Variants in DIAPH3 observed in about 807,000 individuals in gnomAD.
DIAPH3 encodes the protein protein diaphanous homolog 3.
DIAPH3 carries 117 observed loss-of-function variants against 144.3 expected under a neutral mutation model. The ratio of observed to expected loss-of-function variants is 0.81; its 90% CI spans 0.70 to 0.95. DIAPH3 has a LOEUF of 0.95. Ranked by LOEUF, DIAPH3 falls within the 40% of genes least tolerant of loss-of-function variation. The probability of loss-of-function intolerance (pLI) is 0.00; values close to 1 mark genes in which losing one functional copy is unlikely to be tolerated. For synonymous variants in DIAPH3, 519 were observed against 488.9 expected, an observed-to-expected ratio of 1.06 and a Z score of -0.81; for missense variants, 1,421 against 1,412.7, an observed-to-expected ratio of 1.01 and a Z score of -0.09.
chr13:59,721,708 A>C (rs1414261355), intron 27 of DIAPH3, among the ~76,000 whole-genome samples: 1 of 152,200 alleles, frequency 6.6e-6, no homozygotes, highest in East Asian at 1.9e-4. Context: ...AAATAATGGC[A>C]ACGACAGTGG....
intron 27 of DIAPH3, among the ~76,000 whole-genome samples, chr13:59,772,243 G>A (rs1160880873): frequency 1.3e-5 from 2 of 151,920 alleles, no homozygotes; most frequent in East Asian, 3.8e-4. Context: ...ACCAAATCCT[G>A]CATTTTTGAA....
At chr13:59,697,520 A>G (rs886603421) in intron 27 of DIAPH3, among the ~76,000 whole-genome samples, 10 of 150,904 alleles carry the variant, frequency 6.6e-5, no homozygotes, top group Non-Finnish European at 1.0e-4. Flanking sequence ...TCATATACCA[A>G]TATCTGTGAT....
intron 2 of DIAPH3, among the ~76,000 whole-genome samples, chr13:60,131,355 G>C (rs936702242): frequency 3.3e-4 from 48 of 147,500 alleles, no homozygotes; most frequent in African/African-American, 1.0e-3. Context: ...AGGATTGCCT[G>C]AGCCCAGGAG....
At position 59,806,280 on chromosome 13, in the gene DIAPH3, G is replaced by A. The variant is rs969431003; in HGVS notation, c.3163+4508C>T. Among the ~76,000 whole-genome samples the A allele has an allele frequency of 9.2e-5, 14 of 151,962 alleles. 1 individual carries two copies. The highest frequency in any genetic ancestry group is 1.2e-4 in the Non-Finnish European group (8 of 67,816). On this transcript the variant is annotated intron_variant, in intron 25 of 27. Transcript: ENST00000400324. ...AGAAAGTCGGGCTAAAAATTTCTAC[G>A]AAGATTTGAGCAGTACCATGTTCTG...
At chr13:59,931,177 T>C (rs1033436278) in intron 17 of DIAPH3, among the ~76,000 whole-genome samples, 4 of 152,182 alleles carry the variant, frequency 2.6e-5, no homozygotes, top group Non-Finnish European at 5.9e-5. Flanking sequence ...CTCACGATAA[T>C]ATCCTATCCA....
chr13:59,973,111 A>G (rs2050482703), intron 15 of DIAPH3, among the ~76,000 whole-genome samples: 1 of 152,166 alleles, frequency 6.6e-6, no homozygotes, highest in African/African-American at 2.4e-5. Context: ...ATTTAAAACA[A>G]TTTAGGAGAT....
intron 25 of DIAPH3, among the ~76,000 whole-genome samples, chr13:59,802,664 A>ATTTTTTTTTTTTTTTTTTTTTTTTTTT (rs71197279): frequency 3.1e-5 from 1 of 32,534 alleles, no homozygotes; most frequent in Non-Finnish European, 5.4e-5. Context: ...TATTATTATT[A>ATTTTTTTTTTTTTTTTTTTTTTTTTTT]TTATTTTTTT....
At chr13:59,827,394 A>G (rs1299460415) in intron 24 of DIAPH3, among the ~76,000 whole-genome samples, 3 of 152,156 alleles carry the variant, frequency 2.0e-5, no homozygotes, top group Non-Finnish European at 4.4e-5. Context: ...CACATTTTTA[A>G]TAAGTATAAT....
chr13:60,088,769 G>A (rs1285737078), intron 4 of DIAPH3, among the ~76,000 whole-genome samples: 1 of 152,072 alleles, frequency 6.6e-6, no homozygotes, highest in African/African-American at 2.4e-5. Context: ...TTACAGGCCT[G>A]TGCCACTACA....
intron 14 of DIAPH3, among the ~76,000 whole-genome samples, chr13:59,975,423 G>T (rs1272080092): frequency 6.6e-6 from 1 of 151,996 alleles, no homozygotes; most frequent in Non-Finnish European, 1.5e-5. Context: ...AAAGATGTGA[G>T]ATTAAAAAGC....
chr13:59,804,675 A>T (rs1283430154), intron 25 of DIAPH3, among the ~76,000 whole-genome samples: 1 of 152,096 alleles, frequency 6.6e-6, no homozygotes, highest in Non-Finnish European at 1.5e-5. Flanking sequence ...ATGCAATTCC[A>T]TTTGTTCTAC....
intron 21 of DIAPH3, among the ~76,000 whole-genome samples, chr13:59,866,718 C>G (rs2043948481): frequency 6.6e-6 from 1 of 152,030 alleles, no homozygotes; most frequent in Non-Finnish European, 1.5e-5. Flanking sequence ...TAAAGTTTAA[C>G]CTTCAATGGA....
chr13:59,668,269 C>T (rs2032137913), intron 27 of DIAPH3, among the ~76,000 whole-genome samples: 1 of 152,128 alleles, frequency 6.6e-6, no homozygotes, highest in Admixed American at 6.5e-5. Flanking sequence ...TTTCTAGCTC[C>T]CACACCTCTG....
At position 59,666,781 on chromosome 13, in the gene DIAPH3, T is replaced by G. The variant is rs2032039070; in HGVS notation, c.3385A>C (p.Arg1129=). 6.2e-7 allele frequency: 1 copy of G among 1,614,052 alleles called. No individual in the cohort carries two copies. The highest frequency in any genetic ancestry group is 1.1e-5 in the South Asian group (1 of 91,084). ...TTAAGCTCCTTGGCGACTGGAGTCC[T>G]TGTTGAGTTGCAATTGATATTGTAG... ...SHYNINCNST[R]TPVAKELNYN... Residue 1129 remains arginine (R), a synonymous_variant, in exon 28 of 28, where the codon AGG becomes CGG. Coordinates refer to ENST00000400324, the MANE Select transcript of DIAPH3 (RefSeq NM_001042517.2).
At chr13:60,002,053 G>T (rs1025178760) in intron 9 of DIAPH3, among the ~76,000 whole-genome samples, 1 of 152,150 alleles carries the variant, frequency 6.6e-6, no homozygotes, top group Non-Finnish European at 1.5e-5. Flanking sequence ...GGAAGTTTGC[G>T]CAATCACTAA....
chr13:59,965,157 G>T (rs981548825), intron 17 of DIAPH3, among the ~76,000 whole-genome samples: 1 of 152,132 alleles, frequency 6.6e-6, no homozygotes, highest in Admixed American at 6.6e-5. Context: ...ACTGAACTAT[G>T]ATGTCAGAAA....
At chr13:59,753,556 C>G (rs756794510) in intron 27 of DIAPH3, among the ~76,000 whole-genome samples, 6 of 152,136 alleles carry the variant, frequency 3.9e-5, no homozygotes, top group Non-Finnish European at 5.9e-5. Context: ...TGCCTAATGG[C>G]TGGTATTTTC....
At chr13:60,074,478 TTATCC>T (rs1193845947) in intron 4 of DIAPH3, among the ~76,000 whole-genome samples, 1 of 152,182 alleles carries the variant, frequency 6.6e-6, no homozygotes, top group African/African-American at 2.4e-5. Context: ...TTATACCACA[TTATCC>T]TTTGTGTGTG....
Position 59,808,357 on chromosome 13 carries a change from T to C in DIAPH3, c.3163+2431A>G, listed in dbSNP as rs572768215. ...TAAACGCTTTTTAAAAGTCCAACTT[T>C]AGTAATACTCAAAGAAATGCAAATT... On this transcript the variant is annotated intron_variant, in intron 25 of 27. Transcript: ENST00000400324. 1.1e-4 allele frequency among the ~76,000 whole-genome samples: 17 copies of C among 152,070 alleles called. No individual in the cohort carries two copies. In the South Asian group the frequency reaches 3.3e-3, roughly 30 times the overall value.
Sources: gnomAD v4.1 joint callset for allele counts (sites outside exome capture counted in the v4.1 genomes callset) on GRCh38, gnomAD v4.1.1 for gene constraint, MANE v1.5 for transcripts, NCBI Gene and HGNC (gene_info 2026-07-23, HGNC 2026-07-21) for gene names.